FILIP1: variants seen among roughly 807,000 people sequenced by gnomAD.
The protein encoded by FILIP1 is filamin-A-interacting protein 1.
Under a neutral mutation model 102.1 loss-of-function variants are expected in FILIP1, and 61 were observed. The ratio of observed to expected loss-of-function variants is 0.60; its 90% CI spans 0.49 to 0.74. The LOEUF (loss-of-function observed/expected upper bound fraction) is 0.74. Ranked by LOEUF, FILIP1 falls within the 30% of genes least tolerant of loss-of-function variation. The pLI is 0.00. For synonymous variants in FILIP1, 491 were observed against 526.9 expected (o/e 0.93, Z 0.93); for missense variants, 1,314 against 1,441.2 (o/e 0.91, Z 1.43).
At chr6:75,319,952 C>G (rs1327511459) in intron 4 of FILIP1, 8 of 421,608 alleles carry the variant, frequency 1.9e-5, no homozygotes, top group East Asian at 5.1e-5. Flanking sequence ...CATTTTGCCT[C>G]TCAGCTTCTT....
intron 6 of FILIP1, among the ~76,000 whole-genome samples, chr6:75,301,544 T>C (rs1285577059): frequency 2.0e-5 from 3 of 152,204 alleles, no homozygotes; most frequent in Non-Finnish European, 2.9e-5. Flanking sequence ...AGCTCTGTGA[T>C]TTTGCATATA....
intron 2 of FILIP1, among the ~76,000 whole-genome samples, chr6:75,389,589 G>C (rs1235398843): frequency 6.6e-6 from 1 of 152,068 alleles, no homozygotes; most frequent in Admixed American, 6.5e-5. Context: ...CTTCTTCCTG[G>C]TTTAGTATTA....
Position 75,377,226 on chromosome 6 carries a change from TA to T in FILIP1, c.277-14310del, listed in dbSNP as rs908211900. 1.5e-3 allele frequency among the ~76,000 whole-genome samples: 221 copies of T among 152,248 alleles called. 4 individuals carry two copies. Among genetic ancestry groups the T allele is most frequent in the African/African-American group, 5.1e-3 (211 of 41,552 alleles). On this transcript the variant is annotated intron_variant, in intron 2 of 5. Transcript: ENST00000237172. The stretch of plus-strand genomic sequence containing the variant: ...GTTCCTACTTGGAATGTCCTTTTTA[TA>T]AAAAAAGAAACTAGACCCTTGAAAA...
chr6:75,401,462 C>T (rs1217180392), intron 2 of FILIP1, among the ~76,000 whole-genome samples: 1 of 152,214 alleles, frequency 6.6e-6, no homozygotes, highest in East Asian at 1.9e-4. Flanking sequence ...TCCATGGTCT[C>T]CTCAGATTAG....
intron 1 of FILIP1, among the ~76,000 whole-genome samples, chr6:75,432,025 G>T (rs916698552): frequency 2.0e-5 from 3 of 152,152 alleles, no homozygotes; most frequent in African/African-American, 7.2e-5. Context: ...AAGACTTAGA[G>T]GTTTTCTATT....
chr6:75,373,597 G>A lies in FILIP1; in HGVS notation c.277-10680C>T, dbSNP rs565927138. ...TAGGGTTACAGGCGTGAGCCACCACGCCTGGCCAACAATTTAAAAAAATTT... is the reference window on the plus strand; with the variant it reads ...TAGGGTTACAGGCGTGAGCCACCACACCTGGCCAACAATTTAAAAAAATTT... On this transcript the variant is annotated intron_variant, in intron 2 of 5. Coordinates refer to ENST00000237172, the MANE Select transcript of FILIP1 (RefSeq NM_015687.5). Among the ~76,000 whole-genome samples the A allele has an allele frequency of 3.0e-4, 45 of 151,892 alleles. No homozygotes were observed. In the South Asian group the frequency reaches 7.3e-3, roughly 25 times the overall value.
At chr6:75,298,777 G>A (rs1382617876) in intron 6 of FILIP1, among the ~76,000 whole-genome samples, 1 of 152,048 alleles carries the variant, frequency 6.6e-6, no homozygotes, top group East Asian at 1.9e-4. Context: ...AATAAGCTGG[G>A]CGTGGTGGTG....
At position 75,483,073 on chromosome 6, in the gene FILIP1, T is replaced by G. The variant is rs184301952; in HGVS notation, c.-7+10341A>C. Among the ~76,000 whole-genome samples, 12 of 152,350 alleles carry G rather than the reference T, an allele frequency of 7.9e-5. No individual in the cohort carries two copies. The East Asian group carries it at 2.3e-3, about 29-fold the overall frequency. On this transcript the variant is annotated intron_variant, in intron 1 of 5. Transcript: ENST00000237172. The stretch of plus-strand genomic sequence containing the variant: ...GCTACAGTATTTGCTATTGGTGATT[T>G]TCATCTTAGTAAGATTCATTTTACT...
intron 2 of FILIP1, among the ~76,000 whole-genome samples, chr6:75,406,974 A>G (rs777912387): frequency 1.6e-4 from 25 of 152,068 alleles, no homozygotes; most frequent in Admixed American, 6.5e-4. Context: ...ATGTTTCTTA[A>G]ATATTGTAAG....
At chr6:75,384,794 CT>C (rs34553296) in intron 2 of FILIP1, 7,785 of 127,886 alleles carry the variant, frequency 0.061, 197 homozygotes, top group Non-Finnish European at 0.083. Context: ...AATTTAATTG[CT>C]TTTTTTTTTT....
At chr6:75,474,234 C>T (rs1433538147) in intron 1 of FILIP1, among the ~76,000 whole-genome samples, 1 of 152,038 alleles carries the variant, frequency 6.6e-6, no homozygotes, top group Admixed American at 6.6e-5. Context: ...ATATCATTTA[C>T]TCTCACATTT....
chr6:75,456,165 G>A (rs1191398489), intron 1 of FILIP1, among the ~76,000 whole-genome samples: 2 of 152,150 alleles, frequency 1.3e-5, no homozygotes, highest in Non-Finnish European at 2.9e-5. Flanking sequence ...ATTTGACAAT[G>A]TCTGGAAACA....
chr6:75,363,347 T>C (rs1775230984), intron 2 of FILIP1, among the ~76,000 whole-genome samples: 1 of 152,212 alleles, frequency 6.6e-6, no homozygotes, highest in Admixed American at 6.5e-5. Flanking sequence ...CCCTGCTGCC[T>C]CCATTCTAGT....
intron 2 of FILIP1, among the ~76,000 whole-genome samples, chr6:75,392,365 A>C (rs1776303848): frequency 6.6e-6 from 1 of 152,124 alleles, no homozygotes; most frequent in African/African-American, 2.4e-5. Context: ...TTTCAGATTC[A>C]AATCTGAAAC....
chr6:75,322,961 T>TG (rs1437670370), intron 4 of FILIP1, among the ~76,000 whole-genome samples: 1 of 152,192 alleles, frequency 6.6e-6, no homozygotes. Flanking sequence ...CCCAAAGTGC[T>TG]GGGATTACAA....
At chr6:75,429,633 G>C (rs984198839) in intron 1 of FILIP1, among the ~76,000 whole-genome samples, 5 of 152,160 alleles carry the variant, frequency 3.3e-5, no homozygotes, top group Admixed American at 2.6e-4. Flanking sequence ...AGGTAGCAGA[G>C]GCATCAACAA....
intron 4 of FILIP1, among the ~76,000 whole-genome samples, chr6:75,330,417 C>T (rs1204614060): frequency 8.6e-5 from 13 of 152,016 alleles, no homozygotes; most frequent in Non-Finnish European, 1.5e-5. Context: ...CTCCTCTTGT[C>T]TTATAAAGAC....
intron 4 of FILIP1, among the ~76,000 whole-genome samples, chr6:75,326,540 A>G (rs956735652): frequency 2.0e-5 from 3 of 152,006 alleles, no homozygotes; most frequent in Admixed American, 2.0e-4. Context: ...GCCCACCCCA[A>G]CTCCAATATT....
intron 2 of FILIP1, among the ~76,000 whole-genome samples, chr6:75,414,039 T>C (rs1777167941): frequency 6.7e-6 from 1 of 150,282 alleles, no homozygotes; most frequent in Admixed American, 6.7e-5. Context: ...CCTCAGATTC[T>C]TCATTTATAA....
Sources: allele counts gnomAD v4.1 joint callset (sites outside exome capture counted in the v4.1 genomes callset), GRCh38; gene constraint gnomAD v4.1.1; transcripts MANE v1.5; gene names NCBI Gene and HGNC (gene_info 2026-07-23, HGNC 2026-07-21).